The following PATE1 variants were observed in gnomAD, a reference collection of about 807,000 sequenced individuals.
PATE1 encodes prostate and testis expressed protein 1.
In PATE1, 21 loss-of-function variants were observed where a neutral mutation model predicts 13.1. The observed-to-expected ratio is 1.61, with a 90% CI of 1.14 to 2.31. PATE1 has a LOEUF of 2.31. Ranked by LOEUF, PATE1 falls within the 30% of genes most tolerant of loss-of-function variation. The pLI is 0.00. For missense variants in PATE1, 166 were observed against 147.2 expected (o/e 1.13, Z -0.66); for synonymous variants, 52 against 47.1 (o/e 1.10, Z -0.43).
rs1943270126 is a variant in PATE1 at position 125,746,291 on chromosome 11, T to G, written c.-14T>G. ...GAAGCTTCGTGCTGTAGCCTGGCCC[T>G]CCCTCTTTCCAAAATGGACAAGTCC... On this transcript the variant is annotated 5_prime_UTR_variant, in exon 1 of 5. Transcript: ENST00000305738. 1 of 1,613,596 alleles carries G rather than the reference T, an allele frequency of 6.2e-7. No homozygotes were observed. Among genetic ancestry groups the G allele is most frequent in the Non-Finnish European group, 8.5e-7 (1 of 1,179,580 alleles).
intron 1 of PATE1, 91 bp from the exon 2 acceptor site, chr11:125,746,568 TAG>T (rs1943273590): frequency 2.7e-6 from 4 of 1,490,052 alleles, no homozygotes; most frequent in Non-Finnish European, 2.8e-6. Context: ...ATAGGTAGAT[TAG>T]AGAGGAATTG....
Position 125,748,675 on chromosome 11 carries a change from T to A in PATE1, c.323T>A (p.Val108Asp), listed in dbSNP as rs181711936. The part of the protein sequence containing the change: ...CADVKGIRWS[V>D]YLVNFRCCRS... ...GATGTGAAAGGCATAAGGTGGAGTG[T>A]CTATTTGGTGAACTTCAGGTGCTGC... Residue 108 changes from valine to aspartate, a missense_variant, in exon 5 of 5, where the codon GTC (valine) becomes GAC (aspartate). By Grantham distance (152) the Val-to-Asp change is radical (BLOSUM62 -3). Coordinates refer to ENST00000305738, the MANE Select transcript of PATE1 (RefSeq NM_138294.3). The A allele has an allele frequency of 1.2e-6, 2 of 1,613,808 alleles. No homozygotes were observed. Among genetic ancestry groups the A allele is most frequent in the Non-Finnish European group, 1.7e-6 (2 of 1,179,902 alleles).
Position 125,746,345 on chromosome 11 carries a change from G to T in PATE1, c.41G>T (p.Cys14Phe), listed in dbSNP as rs1276157540. ...TTGCTGGAACTCCCCATCCTGCTCTGCTGCTTTAGGGGTGAGTCCCTAGGG... is the reference window on the plus strand; with the variant it reads ...TTGCTGGAACTCCCCATCCTGCTCTTCTGCTTTAGGGGTGAGTCCCTAGGG... ...SLLLELPILL[C>F]CFRALSGSLS... is the part of the protein sequence containing the mutation. Residue 14 changes from cysteine to phenylalanine, a missense_variant, in exon 1 of 5, where the codon TGC becomes TTC. Transcript: ENST00000305738. 3.1e-6 allele frequency: 5 copies of T among 1,613,778 alleles called. No homozygotes were observed. In the African/African-American group the frequency reaches 6.7e-5, roughly 22 times the overall value.
chr11:125,747,478 C>A, intron 3 of PATE1, 67 bp downstream of exon 3: 1 of 1,388,054 alleles, frequency 7.2e-7, no homozygotes, highest in Non-Finnish European at 9.6e-7. Flanking sequence ...CTTATTCCTC[C>A]ACCTTTCTTT....
chr11:125,746,510 T>C lies in PATE1; in HGVS notation c.53-151T>C. On this transcript the variant is annotated intron_variant, in intron 1 of 4. Transcript: ENST00000305738. ...TGCCTTCTACCAGGGGTATGTCATG[T>C]CCCCAGGACCTTAACTAAAGCTCTT... 3.1e-6 allele frequency: 4 copies of C among 1,274,748 alleles called. No individual in the cohort carries two copies. The South Asian group carries it at 5.1e-5, about 16-fold the overall frequency. The allele number at this position is 1,274,748 out of a possible 1,614,324, so 79.0% of individuals were successfully genotyped here. A position where few individuals can be genotyped will look rare whatever the true frequency, so the allele number is the denominator to read the frequency against.
chr11:125,748,188 TG>T (rs1276106365), intron 4 of PATE1: 1 of 304,280 alleles, frequency 3.3e-6, no homozygotes, highest in Admixed American at 4.6e-5. Flanking sequence ...TTCTAAACTG[TG>T]GAAATAGAAG....
At position 125,748,835 on chromosome 11, in the gene PATE1, C is replaced by CA; in HGVS notation, c.*102_*103insA. ...AAAATCACACACACACACACACACACTACAGAAGAGGATTGCAAACACATG... is the reference window on the plus strand; with the variant it reads ...AAAATCACACACACACACACACACACATACAGAAGAGGATTGCAAACACATG... On this transcript the variant is annotated 3_prime_UTR_variant, in exon 5 of 5. Transcript: ENST00000305738. 1 of 1,347,940 alleles carries CA rather than the reference C, an allele frequency of 7.4e-7. No individual in the cohort carries two copies. The highest frequency in any genetic ancestry group is 1.0e-6 in the Non-Finnish European group (1 of 992,102). The allele number at this position is 1,347,940 out of a possible 1,614,324, so 83.5% of individuals were successfully genotyped here. A position where few individuals can be genotyped will look rare whatever the true frequency, so the allele number is the denominator to read the frequency against.
intron 3 of PATE1, 24 bp from the exon 4 acceptor site, chr11:125,747,676 C>T (rs535480959): frequency 1.2e-6 from 2 of 1,611,606 alleles, no homozygotes; most frequent in Admixed American, 1.7e-5. Context: ...TTTCTCACTT[C>T]TCTTTCCCCT....
At chr11:125,747,521 AC>A in intron 3 of PATE1, 110 bp downstream of exon 3, 1 of 1,421,010 alleles carries the variant, frequency 7.0e-7, no homozygotes, top group Non-Finnish European at 9.8e-7. Context: ...AATTCCTGAG[AC>A]CATAAACCTC....
chr11:125,747,874 C>T (rs542285), intron 4 of PATE1, 52 bp downstream of exon 4: 556,170 of 1,607,796 alleles, frequency 0.35, 97,726 homozygotes, highest in South Asian at 0.39. Flanking sequence ...TATACAGGGA[C>T]GTATCAGCCA....
Position 125,748,636 on chromosome 11 carries a change from T to G in PATE1, c.284T>G (p.Leu95Arg). The change falls in exon 5 of 5, where the codon CTA (leucine) becomes CGA (arginine). Residue 95 changes from leucine (L) to arginine (R), a missense_variant. Leu to Arg is a moderately radical substitution (Grantham distance 102). Coordinates refer to ENST00000305738, the MANE Select transcript of PATE1 (RefSeq NM_138294.3). ...CCCTGGTTAACCTTCATGGGCTGCC[T>G]AAAGAACTGTGCTGATGTGAAAGGC... ...GNPWLTFMGCLKNCADVKGIR... is the reference protein window; with the variant it reads ...GNPWLTFMGCRKNCADVKGIR... The G allele has an allele frequency of 6.2e-7, 1 of 1,613,920 alleles. No individual in the cohort carries two copies. Among genetic ancestry groups the G allele is most frequent in the Non-Finnish European group, 8.5e-7 (1 of 1,179,896 alleles).
chr11:125,748,651 A>G lies in PATE1; in HGVS notation c.299A>G (p.Asp100Gly). 2.5e-6 allele frequency: 4 copies of G among 1,613,936 alleles called. No homozygotes were observed. The highest frequency in any genetic ancestry group is 2.2e-5 in the South Asian group (2 of 91,056). The change falls in exon 5 of 5, where the codon GAT becomes GGT. Residue 100 changes from aspartate (D) to glycine (G), a missense_variant. Coordinates refer to ENST00000305738, the MANE Select transcript of PATE1 (RefSeq NM_138294.3). The stretch of plus-strand genomic sequence containing the variant: ...ATGGGCTGCCTAAAGAACTGTGCTG[A>G]TGTGAAAGGCATAAGGTGGAGTGTC... ...TFMGCLKNCA[D>G]VKGIRWSVYL...
chr11:125,746,421 AC>A, intron 1 of PATE1, 65 bp downstream of exon 1: 1 of 1,549,198 alleles, frequency 6.5e-7, no homozygotes, highest in Admixed American at 1.7e-5. Flanking sequence ...AGCACCCATG[AC>A]AGAGGCCTTC....
rs201049739 is a variant in PATE1, at chr11:125,747,721, G to A, written c.146G>A (p.Arg49Lys). Residue 49 changes from arginine (R) to lysine (K), a missense_variant, in exon 4 of 5, where the codon AGG (arginine) becomes AAG (lysine). Physicochemically the swap from Arg to Lys is conservative, Grantham distance 26 (BLOSUM62 2). Coordinates refer to ENST00000305738, the MANE Select transcript of PATE1 (RefSeq NM_138294.3). The stretch of plus-strand genomic sequence containing the variant: ...CAAGTGATAGAAATTGTTCAGTGTA[G>A]GATGTGCCACCTCCAGTTCCCAGGA... ...NFPVIEIVQCRMCHLQFPGEK... is the reference protein window; with the variant it reads ...NFPVIEIVQCKMCHLQFPGEK... 55 of 1,613,608 alleles carry A rather than the reference G, an allele frequency of 3.4e-5. No individual in the cohort carries two copies. The highest frequency in any genetic ancestry group is 8.5e-6 in the Non-Finnish European group (10 of 1,179,792).
chr11:125,748,897 C>T lies in PATE1; in HGVS notation c.*164C>T, dbSNP rs1943305331. On this transcript the variant is annotated 3_prime_UTR_variant, in exon 5 of 5. Transcript: ENST00000305738. ...TGCACACGAAAGGAAAGTCCCTCTC[C>T]TTTTCTACAGTCTCTGTCACGCCCC... 8 of 792,078 alleles carry T rather than the reference C, an allele frequency of 1.0e-5. No individual in the cohort carries two copies. The highest frequency in any genetic ancestry group is 8.9e-5 in the South Asian group (4 of 44,962). 49.1% of individuals were successfully genotyped at this position (792,078 alleles called of 1,614,324 possible).
Position 125,748,814 on chromosome 11 carries a change from TCACACA to T in PATE1, c.*97_*102del. On this transcript the variant is annotated 3_prime_UTR_variant, in exon 5 of 5. Transcript: ENST00000305738. ...CTTCACAATGACTTTCTAAAAAAAA[TCACACA>T]CACACACACACACACTACAGAAGAG... 9.6e-7 allele frequency: 1 copy of T among 1,043,746 alleles called. No homozygotes were observed. Among genetic ancestry groups the T allele is most frequent in the Non-Finnish European group, 1.3e-6 (1 of 767,928 alleles). The allele number at this position is 1,043,746 out of a possible 1,614,324, so 64.7% of individuals were successfully genotyped here.
intron 2 of PATE1, 38 bp downstream of exon 2, chr11:125,746,734 G>T (rs746427781): frequency 1.2e-6 from 2 of 1,601,946 alleles, no homozygotes; most frequent in Non-Finnish European, 1.7e-6. Context: ...GAAGGGGAAG[G>T]TCTGAGGAGG....
At chr11:125,747,652 T>C (rs1268446573) in intron 3 of PATE1, 48 bp from the exon 4 acceptor site, 3 of 1,607,594 alleles carry the variant, frequency 1.9e-6, no homozygotes, top group Non-Finnish European at 2.5e-6. Context: ...GGTTCTTTCC[T>C]GGTAGTGCCA....
intron 4 of PATE1, 135 bp from the exon 5 acceptor site, chr11:125,748,465 C>A: frequency 9.0e-7 from 1 of 1,109,642 alleles, no homozygotes; most frequent in South Asian, 1.7e-5. Context: ...CAACATCTTC[C>A]AGTTCTTTAC....
Sources: gnomAD v4.1 joint callset for allele counts on GRCh38, gnomAD v4.1.1 for gene constraint, MANE v1.5 for transcripts, NCBI Gene and HGNC (gene_info 2026-07-23, HGNC 2026-07-21) for gene names.